The following SLAIN2 variants were observed in gnomAD, a reference collection of about 807,000 sequenced individuals.
SLAIN2 encodes the protein SLAIN motif-containing protein 2.
A neutral mutation model predicts 56.6 loss-of-function variants in SLAIN2; 31 were observed. The observed-to-expected ratio is 0.55, with a 90% CI of 0.41 to 0.74. The LOEUF (loss-of-function observed/expected upper bound fraction) is 0.74, where lower values mean the gene tolerates loss of function less well. Among genes scored for constraint, SLAIN2 ranks in the 30% least tolerant of loss-of-function variants. SLAIN2 has a pLI of 0.00. For synonymous variants in SLAIN2, 317 were observed against 284.9 expected (o/e 1.11, Z -1.13); for missense variants, 777 against 754.2 (o/e 1.03, Z -0.35).
intron 2 of SLAIN2, among the ~76,000 whole-genome samples, chr4:48,373,320 C>A (rs1446001877): frequency 6.6e-6 from 1 of 152,116 alleles, no homozygotes; most frequent in Non-Finnish European, 1.5e-5. Context: ...CCCGTGTTAA[C>A]CAATAACTTC....
At chr4:48,373,318 A>G (rs531677124) in intron 2 of SLAIN2, among the ~76,000 whole-genome samples, 2 of 152,226 alleles carry the variant, frequency 1.3e-5, no homozygotes, top group East Asian at 3.9e-4. Flanking sequence ...TACCCGTGTT[A>G]ACCAATAACT....
rs1714699897 is a variant in SLAIN2 at position 48,341,596 on chromosome 4, G to A, written c.-144G>A. The stretch of plus-strand genomic sequence containing the variant: ...GCGGCGCTTTGGAACCCGAGGTGGG[G>A]GGACCCTGGCGGTGGGGCCTGGTCC... On this transcript the variant is annotated 5_prime_UTR_variant, in exon 1 of 8. Coordinates refer to ENST00000264313, the MANE Select transcript of SLAIN2 (RefSeq NM_020846.2). The A allele has an allele frequency of 2.4e-6, 3 of 1,267,868 alleles. No homozygotes were observed. The highest frequency in any genetic ancestry group is 3.1e-6 in the Non-Finnish European group (3 of 973,186). The allele number at this position is 1,267,868 out of a possible 1,614,324, so 78.5% of individuals were successfully genotyped here. A position where few individuals can be genotyped will look rare whatever the true frequency, so the allele number is the denominator to read the frequency against.
intron 2 of SLAIN2, among the ~76,000 whole-genome samples, chr4:48,376,017 C>T (rs970515908): frequency 2.6e-5 from 4 of 152,182 alleles, no homozygotes; most frequent in Admixed American, 2.0e-4. Flanking sequence ...TTCATTTTGC[C>T]TTGCAATGTT....
intron 2 of SLAIN2, among the ~76,000 whole-genome samples, chr4:48,373,724 T>C (rs1218418525): frequency 6.6e-6 from 1 of 152,112 alleles, no homozygotes; most frequent in Non-Finnish European, 1.5e-5. Flanking sequence ...AACCTTAAGA[T>C]TCAGAACAAC....
At chr4:48,403,098 C>T (rs186005084) in intron 6 of SLAIN2, among the ~76,000 whole-genome samples, 100 of 152,312 alleles carry the variant, frequency 6.6e-4, no homozygotes, top group African/African-American at 2.3e-3. Flanking sequence ...CTGGGAGCTC[C>T]GTCCCAGGGG....
intron 2 of SLAIN2, among the ~76,000 whole-genome samples, chr4:48,371,972 ACACACACACACACACACGCGCG>A (rs754075070): frequency 0.18 from 2,401 of 13,506 alleles, 26 homozygotes; most frequent in Admixed American, 0.21. Flanking sequence ...AAAAGTATAT[ACACACACACACACACACGCGCG>A]CACACACACA....
intron 6 of SLAIN2, chr4:48,394,796 CTGTT>C: frequency 3.0e-6 from 2 of 663,380 alleles, no homozygotes; most frequent in South Asian, 2.4e-5. Flanking sequence ...AGGATTTATT[CTGTT>C]ATTTGGATAA....
intron 1 of SLAIN2, among the ~76,000 whole-genome samples, chr4:48,358,475 A>G (rs1284250669): frequency 6.6e-6 from 1 of 151,910 alleles, no homozygotes; most frequent in African/African-American, 2.4e-5. Flanking sequence ...GTGCACCACC[A>G]TGCCCGGCTA....
intron 6 of SLAIN2, among the ~76,000 whole-genome samples, chr4:48,418,766 A>G (rs991366557): frequency 6.6e-6 from 1 of 152,088 alleles, no homozygotes; most frequent in Non-Finnish European, 1.5e-5. Flanking sequence ...GTTGCTCCCA[A>G]CCTCCAACAA....
chr4:48,357,375 C>CTT (rs71660443), intron 1 of SLAIN2, among the ~76,000 whole-genome samples: 1 of 147,288 alleles, frequency 6.8e-6, no homozygotes, highest in South Asian at 2.1e-4. Flanking sequence ...ATATTTAAGT[C>CTT]TTTTTTTTTT....
intron 6 of SLAIN2, among the ~76,000 whole-genome samples, chr4:48,400,701 C>G (rs1444755943): frequency 6.6e-6 from 1 of 151,580 alleles, no homozygotes; most frequent in Non-Finnish European, 1.5e-5. Context: ...GTGCCTGGTC[C>G]CTTTTCTTCT....
At chr4:48,359,041 TTTATTA>T (rs1339444261) in intron 1 of SLAIN2, among the ~76,000 whole-genome samples, 6 of 152,312 alleles carry the variant, frequency 3.9e-5, no homozygotes, top group African/African-American at 1.4e-4. Context: ...AAGATAAACT[TTTATTA>T]AAGTTTTTTT....
At chr4:48,368,224 A>AT in intron 1 of SLAIN2, among the ~76,000 whole-genome samples, 1 of 151,472 alleles carries the variant, frequency 6.6e-6, no homozygotes, top group Non-Finnish European at 1.5e-5. Context: ...AATTTTTTGT[A>AT]TTTTTAGTAG....
intron 6 of SLAIN2, among the ~76,000 whole-genome samples, chr4:48,408,477 A>C (rs1427630708): frequency 1.4e-5 from 2 of 144,088 alleles, no homozygotes; most frequent in African/African-American, 5.1e-5. Flanking sequence ...GATATTGATG[A>C]TCCTAACCCT....
chr4:48,361,288 G>T (rs545156358), intron 1 of SLAIN2, among the ~76,000 whole-genome samples: 5 of 152,284 alleles, frequency 3.3e-5, no homozygotes, highest in Middle Eastern at 3.4e-3. Context: ...TGTTGCAAGG[G>T]GAACAACATG....
chr4:48,374,173 A>G (rs1715743395), intron 2 of SLAIN2, among the ~76,000 whole-genome samples: 1 of 152,240 alleles, frequency 6.6e-6, no homozygotes, highest in Non-Finnish European at 1.5e-5. Context: ...AGATAAGGCC[A>G]GAAAGATACA....
chr4:48,363,900 C>T lies in SLAIN2; in HGVS notation c.390-5949C>T, dbSNP rs1350407478. ...GCAGAGGCGCCCCTCACCTCCCGGA[C>T]GGCACGGCTGGCCAGGCGGGGGGCT... On this transcript the variant is annotated intron_variant, in intron 1 of 7. Transcript: ENST00000264313. Among the ~76,000 whole-genome samples, 7 of 138,544 alleles carry T rather than the reference C, an allele frequency of 5.1e-5. No homozygotes were observed. The East Asian group carries it at 6.7e-4, about 13-fold the overall frequency. The allele number at this position is 138,544 out of a possible 152,430, so 90.9% of individuals were successfully genotyped here. A position where few individuals can be genotyped will look rare whatever the true frequency, so the allele number is the denominator to read the frequency against.
intron 1 of SLAIN2, among the ~76,000 whole-genome samples, chr4:48,362,275 T>C (rs1176450085): frequency 6.6e-6 from 1 of 152,202 alleles, no homozygotes; most frequent in Non-Finnish European, 1.5e-5. Context: ...TGAAAGAGTT[T>C]GTGTAGGATT....
At chr4:48,394,507 A>T in intron 6 of SLAIN2, 1 of 1,205,910 alleles carries the variant, frequency 8.3e-7, no homozygotes, top group Non-Finnish European at 1.2e-6. Flanking sequence ...AAAACATTCA[A>T]GTTTACAGAC....
Sources: gnomAD v4.1 joint callset for allele counts (sites outside exome capture counted in the v4.1 genomes callset) on GRCh38, gnomAD v4.1.1 for gene constraint, MANE v1.5 for transcripts, NCBI Gene and HGNC (gene_info 2026-07-23, HGNC 2026-07-21) for gene names.